KATNIP: variants seen among roughly 807,000 people sequenced by gnomAD.
The protein encoded by KATNIP is katanin interacting protein.
Under a neutral mutation model 174.0 loss-of-function variants are expected in KATNIP, and 126 were observed. The observed-to-expected ratio is 0.72, with a 90% confidence interval of 0.63 to 0.84. The LOEUF (loss-of-function observed/expected upper bound fraction) is 0.84, where lower values mean the gene tolerates loss of function less well. Among genes scored for constraint, KATNIP ranks in the 40% least tolerant of loss-of-function variants. KATNIP has a pLI of 0.00. For missense variants in KATNIP, 1,958 were observed against 2,109.7 expected, an observed-to-expected ratio of 0.93 and a Z score of 1.41; for synonymous variants, 810 against 835.7, an observed-to-expected ratio of 0.97 and a Z score of 0.53.
chr16:27,746,503 C>T (rs1223281767), intron 15 of KATNIP, among the ~76,000 whole-genome samples: 5 of 152,166 alleles, frequency 3.3e-5, no homozygotes, highest in Admixed American at 6.5e-5. Context: ...GGGAGTCCCT[C>T]GGCCTCTAGG....
intron 14 of KATNIP, among the ~76,000 whole-genome samples, chr16:27,736,911 T>C (rs2080919140): frequency 6.6e-6 from 1 of 151,584 alleles, no homozygotes; most frequent in African/African-American, 2.4e-5. Flanking sequence ...GGCAAGGAGG[T>C]CAGCTCCAGG....
chr16:27,552,111 G>T (rs2089404583), intron 1 of KATNIP, among the ~76,000 whole-genome samples: 1 of 152,062 alleles, frequency 6.6e-6, no homozygotes, highest in Non-Finnish European at 1.5e-5. Flanking sequence ...AATTACATTT[G>T]CCTCCAAAAA....
chr16:27,698,432 G>T lies in KATNIP; in HGVS notation c.1045G>T (p.Val349Leu). 1 of 1,613,654 alleles carries T rather than the reference G, an allele frequency of 6.2e-7. No individual in the cohort carries two copies. Among genetic ancestry groups the T allele is most frequent in the Admixed American group, 1.7e-5 (1 of 59,974 alleles). The stretch of plus-strand genomic sequence containing the variant: ...CTCTGCTGTGCTCCAAGCCATCCAG[G>T]TGGAGAACGCAGCCCTGCAGAGGGC... The part of the protein sequence containing the change: ...DASAVLQAIQ[V>L]ENAALQRALL... The change falls in exon 9 of 28, where the codon GTG (valine) becomes TTG (leucine). Residue 349 changes from valine to leucine, a missense_variant. This residue lies in a region of KATNIP where 1,557 missense variants were observed against 1,617.8 expected (regional missense o/e 0.96). Transcript: ENST00000261588.
At chr16:27,606,193 C>T (rs995956240) in intron 2 of KATNIP, among the ~76,000 whole-genome samples, 3 of 152,110 alleles carry the variant, frequency 2.0e-5, no homozygotes, top group South Asian at 2.1e-4. Context: ...GCACTGAGGA[C>T]GGGCTCCACA....
rs183024784 is a variant in KATNIP, at chr16:27,769,535, G to A, written c.3976-326G>A. Among the ~76,000 whole-genome samples the A allele has an allele frequency of 7.2e-5, 11 of 152,324 alleles. No homozygotes were observed. The East Asian group carries it at 9.6e-4, about 13-fold the overall frequency. The stretch of plus-strand genomic sequence containing the variant: ...AGCTACTAGTGGTGCACATGGAAGC[G>A]CCTGAGTCCATGCCCTTGACCTCCA... On this transcript the variant is annotated intron_variant, in intron 20 of 27. Coordinates refer to ENST00000261588, the MANE Select transcript of KATNIP (RefSeq NM_015202.5).
At chr16:27,760,411 A>G (rs1407720858) in intron 18 of KATNIP, among the ~76,000 whole-genome samples, 4 of 152,200 alleles carry the variant, frequency 2.6e-5, no homozygotes, top group Admixed American at 6.5e-5. Context: ...TCCTGGGCAA[A>G]TGAATGACAT....
intron 6 of KATNIP, among the ~76,000 whole-genome samples, chr16:27,673,664 C>A (rs895279222): frequency 1.3e-5 from 2 of 152,176 alleles, no homozygotes; most frequent in Non-Finnish European, 2.9e-5. Context: ...ACCTCTCCCC[C>A]AGTTGTGATC....
intron 6 of KATNIP, among the ~76,000 whole-genome samples, chr16:27,674,868 A>G (rs1567286071): frequency 6.6e-6 from 1 of 152,188 alleles, no homozygotes; most frequent in Non-Finnish European, 1.5e-5. Context: ...CATTACCGTA[A>G]CAACTCAAGT....
At chr16:27,634,501 G>A (rs1336927631) in intron 5 of KATNIP, among the ~76,000 whole-genome samples, 2 of 152,184 alleles carry the variant, frequency 1.3e-5, no homozygotes, top group Non-Finnish European at 2.9e-5. Context: ...TGGGGTATCA[G>A]CATCAGGAAG....
At chr16:27,657,705 T>C (rs407400) in intron 6 of KATNIP, among the ~76,000 whole-genome samples, 2 of 150,124 alleles carry the variant, frequency 1.3e-5, no homozygotes, top group Admixed American at 1.3e-4. Context: ...AGGTCAAGAG[T>C]TCAAGACCAG....
intron 14 of KATNIP, among the ~76,000 whole-genome samples, chr16:27,722,907 T>G (rs2080298292): frequency 6.6e-6 from 1 of 152,186 alleles, no homozygotes; most frequent in South Asian, 2.1e-4. Context: ...CACCATACAA[T>G]TCAAACAAAA....
Position 27,740,226 on chromosome 16 carries a change from C to T in KATNIP, c.1929C>T (p.Thr643=). Residue 643 remains threonine (T), a synonymous_variant, in exon 15 of 28, where the codon ACC becomes ACT. Transcript: ENST00000261588. The part of the protein sequence containing the change: ...MNAHSEESKG[T]HEMAGASGDK... ...CTCACTCGGAAGAAAGCAAAGGCAC[C>T]CATGAGATGGCTGGTGCCAGCGGGG... 1 of 1,614,184 alleles carries T rather than the reference C, an allele frequency of 6.2e-7. No homozygotes were observed. Among genetic ancestry groups the T allele is most frequent in the Non-Finnish European group, 8.5e-7 (1 of 1,180,030 alleles).
intron 8 of KATNIP, among the ~76,000 whole-genome samples, chr16:27,692,761 C>G (rs751408311): frequency 2.6e-5 from 4 of 152,212 alleles, no homozygotes; most frequent in Non-Finnish European, 5.9e-5. Context: ...CCATGTCTGT[C>G]TCTGCTTTGT....
In KATNIP at chr16:27,766,401, T is replaced by C. The variant is rs199658528; in HGVS notation, c.3902T>C (p.Leu1301Pro). 8 of 1,614,178 alleles carry C rather than the reference T, an allele frequency of 5.0e-6. No homozygotes were observed. Among genetic ancestry groups the C allele is most frequent in the Middle Eastern group, 1.6e-4 (1 of 6,062 alleles). ...CTGGACCATGTGGTCACGATCCGCC[T>C]GGACAGGGCCGAAAGCATCGCAGGC... ...PGLDHVVTIR[L>P]DRAESIAGLR... is the part of the protein sequence containing the mutation. The change falls in exon 20 of 28, where the codon CTG becomes CCG. Residue 1301 changes from leucine to proline, a missense_variant. By Grantham distance (98) the Leu-to-Pro change is moderately conservative (BLOSUM62 -3). This residue lies in a region of KATNIP where 383 missense variants were observed against 456.0 expected (regional missense o/e 0.84). Transcript: ENST00000261588.
At position 27,756,493 on chromosome 16, in the gene KATNIP, C is replaced by T. The variant is rs562789473; in HGVS notation, c.3631+2242C>T. 7.2e-5 allele frequency among the ~76,000 whole-genome samples: 11 copies of T among 152,324 alleles called. 1 individual carries two copies. The South Asian group carries it at 1.9e-3, about 26-fold the overall frequency. On this transcript the variant is annotated intron_variant, in intron 18 of 27. Transcript: ENST00000261588. ...CCTACCTAAGGTCACACGGCCAGTA[C>T]GGAAGCTGGGAGTGCAAGCAAAGGT...
At chr16:27,670,348 C>G (rs560174117) in intron 6 of KATNIP, among the ~76,000 whole-genome samples, 32 of 152,340 alleles carry the variant, frequency 2.1e-4, no homozygotes, top group Non-Finnish European at 2.4e-4. Context: ...AGTATTTATT[C>G]AAACTTTAAG....
intron 2 of KATNIP, among the ~76,000 whole-genome samples, chr16:27,605,650 C>A (rs193244987): frequency 6.6e-6 from 1 of 152,250 alleles, no homozygotes; most frequent in Non-Finnish European, 1.5e-5. Context: ...TATCCTAGGG[C>A]GTGAGAAACT....
chr16:27,768,756 T>A (rs1462085469), intron 20 of KATNIP, among the ~76,000 whole-genome samples: 50 of 152,250 alleles, frequency 3.3e-4, no homozygotes, highest in Admixed American at 3.3e-3. Flanking sequence ...GTCCTGTAAC[T>A]GACATAGAGG....
chr16:27,699,240 CA>C (rs2142983082), intron 9 of KATNIP, among the ~76,000 whole-genome samples: 1 of 152,264 alleles, frequency 6.6e-6, no homozygotes, highest in South Asian at 2.1e-4. Flanking sequence ...CTGCTTCTCT[CA>C]AGGACAAGGT....
Sources: allele counts gnomAD v4.1 joint callset (sites outside exome capture counted in the v4.1 genomes callset), GRCh38; gene constraint gnomAD v4.1.1; regional missense constraint gnomAD v4.1.1; transcripts MANE v1.5; gene names NCBI Gene and HGNC (gene_info 2026-07-23, HGNC 2026-07-21).